The following PET117 variants were observed in gnomAD, a reference collection of about 807,000 sequenced individuals.
The protein encoded by PET117 is protein PET117 homolog, mitochondrial.
Under a neutral mutation model 9.2 loss-of-function variants are expected in PET117, and 10 were observed. That is an observed-to-expected ratio of 1.09 (90% confidence interval 0.67 to 1.85). PET117 has a LOEUF of 1.85. PET117 is among the 40% of genes most tolerant of loss of function. The pLI is 0.00. For missense variants in PET117, 96 were observed against 98.2 expected (o/e 0.98, Z 0.09); for synonymous variants, 43 against 37.1 (o/e 1.16, Z -0.57).
Position 18,137,916 on chromosome 20 carries a change from G to C in PET117, c.-40G>C. Reference sequence around the variant, plus strand: ...CACTCTGCGGCGGCCTCTGCGCCTCGGGCGGGCGGGAGAGAGAGGCCGCGG... The same window carrying C: ...CACTCTGCGGCGGCCTCTGCGCCTCCGGCGGGCGGGAGAGAGAGGCCGCGG... On this transcript the variant is annotated 5_prime_UTR_variant, in exon 1 of 2. Coordinates refer to ENST00000432901, the MANE Select transcript of PET117 (RefSeq NM_001164811.2). 2.1e-6 allele frequency: 3 copies of C among 1,461,168 alleles called. No individual in the cohort carries two copies. The highest frequency in any genetic ancestry group is 2.6e-5 in the Admixed American group (1 of 39,202). 90.5% of individuals were successfully genotyped at this position (1,461,168 alleles called of 1,614,324 possible).
At chr20:18,139,055 T>A (rs2037418424) in intron 1 of PET117, among the ~76,000 whole-genome samples, 2 of 152,242 alleles carry the variant, frequency 1.3e-5, no homozygotes, top group African/African-American at 4.8e-5. Context: ...ACCTTTGGAC[T>A]GTGCTATGTG....
At chr20:18,141,353 C>T (rs1359676656) in intron 1 of PET117, among the ~76,000 whole-genome samples, 1 of 152,030 alleles carries the variant, frequency 6.6e-6, no homozygotes, top group African/African-American at 2.4e-5. Flanking sequence ...ATTTTTTCCG[C>T]TGGTAGTAGC....
intron 1 of PET117, chr20:18,138,294 C>T: frequency 1.7e-6 from 2 of 1,199,854 alleles, no homozygotes; most frequent in South Asian, 3.7e-5. Context: ...CCCGGCTTAG[C>T]GCCTTTGGAG....
chr20:18,142,813 G>A lies in PET117; in HGVS notation c.*456G>A, dbSNP rs766436587. 11 of 1,614,162 alleles carry A rather than the reference G, an allele frequency of 6.8e-6. No individual in the cohort carries two copies. Among genetic ancestry groups the A allele is most frequent in the East Asian group, 4.5e-5 (2 of 44,880 alleles). On this transcript the variant is annotated 3_prime_UTR_variant, in exon 2 of 2. Coordinates refer to ENST00000432901, the MANE Select transcript of PET117 (RefSeq NM_001164811.2). ...AGGATCAGGCATCAGTGGACTTATCGCACGACCAGAGTGGGGATTCCCTCA... is the reference window on the plus strand; with the variant it reads ...AGGATCAGGCATCAGTGGACTTATCACACGACCAGAGTGGGGATTCCCTCA...
At chr20:18,138,179 C>T (rs1651794426) in intron 1 of PET117, 128 bp downstream of exon 1, 1 of 1,300,150 alleles carries the variant, frequency 7.7e-7, no homozygotes, top group Admixed American at 4.2e-5. Flanking sequence ...CGCGGCCCTG[C>T]ACCCCACGCG....
Position 18,137,928 on chromosome 20 carries a change from G to C in PET117, c.-28G>C. 6.8e-7 allele frequency: 1 copy of C among 1,476,950 alleles called. No homozygotes were observed. Among genetic ancestry groups the C allele is most frequent in the Non-Finnish European group, 8.9e-7 (1 of 1,121,072 alleles). The allele number at this position is 1,476,950 out of a possible 1,614,324, so 91.5% of individuals were successfully genotyped here. On this transcript the variant is annotated 5_prime_UTR_variant, in exon 1 of 2. Transcript: ENST00000432901. ...GCCTCTGCGCCTCGGGCGGGCGGGA[G>C]AGAGAGGCCGCGGCCGCCAGCGTGG...
chr20:18,141,299 G>A (rs2037567152), intron 1 of PET117, among the ~76,000 whole-genome samples: 1 of 151,844 alleles, frequency 6.6e-6, no homozygotes, highest in African/African-American at 2.4e-5. Flanking sequence ...GAAGTGCTGT[G>A]GTTTTTTAGT....
chr20:18,141,727 T>TA (rs2146333490), intron 1 of PET117, among the ~76,000 whole-genome samples: 1 of 152,112 alleles, frequency 6.6e-6, no homozygotes, highest in Non-Finnish European at 1.5e-5. Flanking sequence ...CTACTAAAAA[T>TA]ACAAAAATTA....
At chr20:18,141,882 G>A (rs1268335571) in intron 1 of PET117, among the ~76,000 whole-genome samples, 1 of 151,904 alleles carries the variant, frequency 6.6e-6, no homozygotes, top group Non-Finnish European at 1.5e-5. Context: ...CGAGACTCTT[G>A]TCTCAAAAAA....
chr20:18,142,780 C>G lies in PET117; in HGVS notation c.*423C>G. The G allele has an allele frequency of 5.0e-6, 8 of 1,614,112 alleles. No individual in the cohort carries two copies. Among genetic ancestry groups the G allele is most frequent in the Non-Finnish European group, 6.8e-6 (8 of 1,180,034 alleles). On this transcript the variant is annotated 3_prime_UTR_variant, in exon 2 of 2. Coordinates refer to ENST00000432901, the MANE Select transcript of PET117 (RefSeq NM_001164811.2). ...TGGAGGGAGAGACGCTCCTGATCGT[C>G]GAATCCGAGGATCAGGCATCAGTGG... is the stretch of plus-strand genomic sequence containing the variant.
chr20:18,141,324 C>A (rs1163520965), intron 1 of PET117, among the ~76,000 whole-genome samples: 1 of 152,100 alleles, frequency 6.6e-6, no homozygotes. Flanking sequence ...ACTAAGGTAA[C>A]TACCATTGAT....
intron 1 of PET117, among the ~76,000 whole-genome samples, chr20:18,139,016 A>G (rs1289719772): frequency 6.6e-6 from 1 of 152,206 alleles, no homozygotes; most frequent in East Asian, 1.9e-4. Flanking sequence ...ATCAAGAGTA[A>G]ACAGTCTTTT....
chr20:18,138,093 G>A lies in PET117; in HGVS notation c.96+42G>A, dbSNP rs1175863224. The A allele has an allele frequency of 3.5e-6, 5 of 1,437,398 alleles. No individual in the cohort carries two copies. In the Admixed American group the frequency reaches 1.1e-4, roughly 32 times the overall value. 89.0% of individuals were successfully genotyped at this position (1,437,398 alleles called of 1,614,324 possible). A position where few individuals can be genotyped will look rare whatever the true frequency, so the allele number is the denominator to read the frequency against. On this transcript the variant is annotated intron_variant, in intron 1 of 1. Transcript: ENST00000432901. ...CGTCTCTTCCGGGCCCGCGCGCGCG[G>A]CGTCGACCTGGGGCCTCTCGTGGTC...
chr20:18,139,679 T>TGTGTGTGTGTG (rs1555801288), intron 1 of PET117, among the ~76,000 whole-genome samples: 1 of 150,000 alleles, frequency 6.7e-6, no homozygotes, highest in African/African-American at 2.5e-5. Context: ...TGTGTGTTTA[T>TGTGTGTGTGTG]TTTTTTTCCT....
In PET117 at chr20:18,137,986, C is replaced by G. The variant is rs572605530; in HGVS notation, c.31C>G (p.Leu11Val). 4.6e-6 allele frequency: 7 copies of G among 1,506,218 alleles called. No homozygotes were observed. The highest frequency in any genetic ancestry group is 2.1e-5 in the Admixed American group (1 of 47,066). 93.3% of individuals were successfully genotyped at this position (1,506,218 alleles called of 1,614,324 possible). A position where few individuals can be genotyped will look rare whatever the true frequency, so the allele number is the denominator to read the frequency against. Reference sequence around the variant, plus strand: ...TAGGAGCTCGAAGGTGGTGCTGGGCCTCTCGGTGCTGCTGACGGCGGCCAC... The same window carrying G: ...TAGGAGCTCGAAGGTGGTGCTGGGCGTCTCGGTGCTGCTGACGGCGGCCAC... MSRSSKVVLG[L>V]SVLLTAATVA... is the part of the protein sequence containing the mutation. Residue 11 changes from leucine to valine, a missense_variant, in exon 1 of 2, where the codon CTC (leucine) becomes GTC (valine). Leu to Val is a conservative substitution (Grantham distance 32, BLOSUM62 1). Transcript: ENST00000432901.
chr20:18,138,083 C>A, intron 1 of PET117, 32 bp downstream of exon 1: 1 of 1,437,224 alleles, frequency 7.0e-7, no homozygotes, highest in Non-Finnish European at 9.1e-7. Context: ...CTTCCGGGCC[C>A]GCGCGCGCGG....
chr20:18,141,047 AT>A (rs59461611), intron 1 of PET117, among the ~76,000 whole-genome samples: 3 of 92,842 alleles, frequency 3.2e-5, no homozygotes, highest in Admixed American at 1.4e-4. Flanking sequence ...TTTTTTTTTT[AT>A]TTTTATTTTT....
rs1304086266 is a variant in PET117, at chr20:18,140,836, AC to A, written c.97-1370del. On this transcript the variant is annotated intron_variant, in intron 1 of 1. Coordinates refer to ENST00000432901, the MANE Select transcript of PET117 (RefSeq NM_001164811.2). ...TCCTTCTCAAAAAAAAAAAAAAAAA[AC>A]CAATAAAACAAAACAAAAAAAACCC... Among the ~76,000 whole-genome samples the A allele has an allele frequency of 8.5e-4, 123 of 145,010 alleles. 4 individuals carry two copies. Among genetic ancestry groups the A allele is most frequent in the Non-Finnish European group, 9.7e-4 (64 of 65,874 alleles).
At chr20:18,138,244 G>A (rs2037375060) in intron 1 of PET117, 193 bp downstream of exon 1, 10 of 1,241,918 alleles carry the variant, frequency 8.1e-6, no homozygotes, top group African/African-American at 1.6e-5. Context: ...GCAGCTCCCG[G>A]CGGGCGTGTG....
Sources: gnomAD v4.1 joint callset for allele counts (sites outside exome capture counted in the v4.1 genomes callset) on GRCh38, gnomAD v4.1.1 for gene constraint, MANE v1.5 for transcripts, NCBI Gene and HGNC (gene_info 2026-07-23, HGNC 2026-07-21) for gene names.